The following FAM120A variants were observed in gnomAD, a reference collection of about 807,000 sequenced individuals.
FAM120A encodes the protein constitutive coactivator of PPAR-gamma-like protein 1.
In FAM120A, 15 loss-of-function variants were observed where a neutral mutation model predicts 109.7. The ratio of observed to expected loss-of-function variants is 0.14; its 90% CI spans 0.09 to 0.21. The LOEUF (loss-of-function observed/expected upper bound fraction) is 0.21. FAM120A is among the 10% of genes least tolerant of loss of function. The pLI is 1.00. For missense variants in FAM120A, 899 were observed against 1,439.3 expected, an observed-to-expected ratio of 0.62 and a Z score of 6.07; for synonymous variants, 493 against 572.8, an observed-to-expected ratio of 0.86 and a Z score of 1.99.
At chr9:93,453,186 G>T in intron 1 of FAM120A, 4 of 1,000,296 alleles carry the variant, frequency 4.0e-6, no homozygotes, top group Non-Finnish European at 4.8e-6. Context: ...GCGTGAACTC[G>T]CAGGATTTAT....
At chr9:93,507,590 C>T (rs1417907617) in intron 5 of FAM120A, among the ~76,000 whole-genome samples, 1 of 151,976 alleles carries the variant, frequency 6.6e-6, no homozygotes, top group Non-Finnish European at 1.5e-5. Context: ...AGAGATGGCG[C>T]CCCTGGGGCC....
At chr9:93,518,934 T>G (rs1026508690) in intron 7 of FAM120A, among the ~76,000 whole-genome samples, 1 of 152,250 alleles carries the variant, frequency 6.6e-6, no homozygotes, top group Non-Finnish European at 1.5e-5. Context: ...TTTCTGATTT[T>G]TTTTTTAAAG....
At position 93,471,505 on chromosome 9, in the gene FAM120A, C is replaced by T. The variant is rs528728600; in HGVS notation, c.721+118C>T. On this transcript the variant is annotated intron_variant, in intron 2 of 17. Coordinates refer to ENST00000277165, the MANE Select transcript of FAM120A (RefSeq NM_014612.5). Reference sequence around the variant, plus strand: ...ATATGTATCACACATTGAAAAGAACCAAGGCGTGGGCTCTTCCTTAGCATT... The same window carrying T: ...ATATGTATCACACATTGAAAAGAACTAAGGCGTGGGCTCTTCCTTAGCATT... The T allele has an allele frequency of 6.5e-5, 83 of 1,273,626 alleles. No homozygotes were observed. The South Asian group carries it at 1.2e-3, about 18-fold the overall frequency. The allele number at this position is 1,273,626 out of a possible 1,614,324, so 78.9% of individuals were successfully genotyped here. A position where few individuals can be genotyped will look rare whatever the true frequency, so the allele number is the denominator to read the frequency against.
intron 3 of FAM120A, among the ~76,000 whole-genome samples, chr9:93,476,941 A>G (rs1331367612): frequency 6.6e-6 from 1 of 152,182 alleles, no homozygotes; most frequent in African/African-American, 2.4e-5. Context: ...ATGTGAGCAT[A>G]GGAGTAATGA....
chr9:93,546,744 C>T (rs554550552), intron 11 of FAM120A, among the ~76,000 whole-genome samples: 6 of 152,334 alleles, frequency 3.9e-5, no homozygotes, highest in South Asian at 2.1e-4. Flanking sequence ...TGAATGGGCA[C>T]GGCCATGCTC....
intron 10 of FAM120A, among the ~76,000 whole-genome samples, chr9:93,541,964 A>C (rs916324116): frequency 2.0e-5 from 3 of 152,170 alleles, no homozygotes; most frequent in African/African-American, 7.2e-5. Context: ...GTATTGCCTG[A>C]CTATATTTAG....
At chr9:93,484,714 C>T (rs1454671470) in intron 3 of FAM120A, among the ~76,000 whole-genome samples, 4 of 152,294 alleles carry the variant, frequency 2.6e-5, no homozygotes, top group African/African-American at 7.2e-5. Context: ...GCTGGGACTA[C>T]AGGCGTGTGC....
intron 1 of FAM120A, among the ~76,000 whole-genome samples, chr9:93,460,910 TCTTAA>T (rs1426469290): frequency 2.0e-5 from 3 of 152,292 alleles, no homozygotes; most frequent in African/African-American, 4.8e-5. Context: ...CTTTTATGCT[TCTTAA>T]CTTAGGAGAT....
chr9:93,459,546 A>G (rs1238847111), intron 1 of FAM120A, among the ~76,000 whole-genome samples: 1 of 152,236 alleles, frequency 6.6e-6, no homozygotes. Flanking sequence ...CAGGAAAGGA[A>G]GGAAACCTTC....
chr9:93,505,469 C>G (rs1188591036), intron 5 of FAM120A, among the ~76,000 whole-genome samples: 1 of 152,132 alleles, frequency 6.6e-6, no homozygotes, highest in African/African-American at 2.4e-5. Flanking sequence ...AATAATCTTC[C>G]AATCTGTGGC....
intron 7 of FAM120A, among the ~76,000 whole-genome samples, chr9:93,525,013 T>G (rs1464034555): frequency 6.6e-6 from 1 of 152,208 alleles, no homozygotes; most frequent in East Asian, 1.9e-4. Context: ...TATCCATCTG[T>G]TCTTCAAAGC....
At chr9:93,484,772 C>T (rs547991163) in intron 3 of FAM120A, among the ~76,000 whole-genome samples, 3 of 152,254 alleles carry the variant, frequency 2.0e-5, no homozygotes, top group Non-Finnish European at 4.4e-5. Flanking sequence ...TGGGGTTTCG[C>T]CATGTTGGCC....
intron 1 of FAM120A, among the ~76,000 whole-genome samples, chr9:93,456,111 C>A (rs943847214): frequency 6.6e-6 from 1 of 152,090 alleles, no homozygotes; most frequent in African/African-American, 2.4e-5. Context: ...AATACTTTGG[C>A]CTATGTATTG....
At chr9:93,475,376 C>T (rs1362270001) in intron 2 of FAM120A, among the ~76,000 whole-genome samples, 37 of 152,144 alleles carry the variant, frequency 2.4e-4, no homozygotes. Context: ...ACTACGGATG[C>T]TCAACCTATA....
Position 93,564,691 on chromosome 9 carries a change from G to A in FAM120A, c.*151G>A, listed in dbSNP as rs1006666482. The A allele has an allele frequency of 5.2e-5, 30 of 580,602 alleles. No homozygotes were observed. The highest frequency in any genetic ancestry group is 1.1e-4 in the Admixed American group (3 of 28,276). 36.0% of individuals were successfully genotyped at this position (580,602 alleles called of 1,614,324 possible). On this transcript the variant is annotated 3_prime_UTR_variant, in exon 18 of 18. Transcript: ENST00000277165. ...ATTCAGATCCCTCTTTGATATCAGA[G>A]ATTTAAACAACACATTTTTAGTTTT...
chr9:93,493,173 A>G (rs1347900007), intron 3 of FAM120A, among the ~76,000 whole-genome samples: 1 of 152,186 alleles, frequency 6.6e-6, no homozygotes, highest in Admixed American at 6.5e-5. Flanking sequence ...CCTAAATTAA[A>G]CCACAAAGGT....
intron 14 of FAM120A, among the ~76,000 whole-genome samples, 175 bp downstream of exon 14, chr9:93,558,185 G>A (rs1285193326): frequency 6.6e-6 from 1 of 152,222 alleles, no homozygotes; most frequent in Non-Finnish European, 1.5e-5. Flanking sequence ...TGGAGATAGG[G>A]GAGAGGGACC....
chr9:93,548,404 A>G (rs925564861), intron 11 of FAM120A, among the ~76,000 whole-genome samples: 1 of 152,092 alleles, frequency 6.6e-6, no homozygotes, highest in Non-Finnish European at 1.5e-5. Flanking sequence ...AAAAGGAACC[A>G]ATAGCTAGGG....
intron 3 of FAM120A, among the ~76,000 whole-genome samples, chr9:93,481,538 G>T (rs1479248778): frequency 6.6e-6 from 1 of 152,086 alleles, no homozygotes; most frequent in Non-Finnish European, 1.5e-5. Context: ...CATTTTAGTG[G>T]TTTTTGTGTT....
Sources: gnomAD v4.1 joint callset for allele counts (sites outside exome capture counted in the v4.1 genomes callset) on GRCh38, gnomAD v4.1.1 for gene constraint, MANE v1.5 for transcripts, NCBI Gene and HGNC (gene_info 2026-07-23, HGNC 2026-07-21) for gene names.